The following CDCA5 variants were observed in gnomAD, a reference collection of about 807,000 sequenced individuals.
The protein encoded by CDCA5 is sororin.
CDCA5 carries 14 observed loss-of-function variants against 25.7 expected under a neutral mutation model. That is an observed-to-expected ratio of 0.54 (90% CI 0.36 to 0.85). The LOEUF (loss-of-function observed/expected upper bound fraction) is 0.85. CDCA5 is among the 40% of genes least tolerant of loss of function. The pLI, the probability that CDCA5 is intolerant of heterozygous loss-of-function variation, is 0.01. For synonymous variants in CDCA5, 127 were observed against 128.7 expected (o/e 0.99, Z 0.09); for missense variants, 307 against 324.5 (o/e 0.95, Z 0.41).
chr11:65,083,644 A>C lies in CDCA5; in HGVS notation c.126T>G (p.Pro42=). Residue 42 remains proline (P), a synonymous_variant, in exon 2 of 6, where the codon CCT becomes CCG. Coordinates refer to ENST00000275517, the MANE Select transcript of CDCA5 (RefSeq NM_080668.4). The part of the protein sequence containing the change: ...KSGSELPSIL[P]EIWPKTPSAA... ...TGGGGCTCACCTTCGGCCAGATTTC[A>C]GGGAGGATGCTCGGGAGTTCAGAGC... 6.2e-7 allele frequency: 1 copy of C among 1,614,216 alleles called. No homozygotes were observed. The highest frequency in any genetic ancestry group is 8.5e-7 in the Non-Finnish European group (1 of 1,180,028).
chr11:65,065,361 C>T (rs919065996), downstream of CDCA5, among the ~76,000 whole-genome samples: 16 of 152,090 alleles, frequency 1.1e-4, no homozygotes, highest in African/African-American at 3.1e-4. Context: ...CACCTTGGTG[C>T]GCTGAAACCT....
intron 4 of CDCA5, among the ~76,000 whole-genome samples, chr11:65,082,271 G>A (rs1421265036): frequency 6.6e-6 from 1 of 152,140 alleles, no homozygotes; most frequent in East Asian, 1.9e-4. Flanking sequence ...ACAGACCCAA[G>A]AATGATGCCC....
chr11:65,068,392 G>A (rs1384800746), intron 2 of CDCA5: 12 of 740,210 alleles, frequency 1.6e-5, no homozygotes, highest in African/African-American at 9.1e-5. Context: ...GTGTGACGAC[G>A]GGGGTTCAGG....
At chr11:65,077,377 C>G, downstream of CDCA5, 1 of 779,332 alleles carries the variant, frequency 1.3e-6, no homozygotes, top group Non-Finnish European at 1.6e-6. Context: ...AAGGGACAAC[C>G]CCAGTGATGC....
At chr11:65,068,169 C>T (rs1433984392) in intron 2 of CDCA5, 1 of 1,179,068 alleles carries the variant, frequency 8.5e-7, no homozygotes, top group Non-Finnish European at 1.1e-6. Flanking sequence ...GCTGCTCACC[C>T]AAGAGCCTGG....
intron 2 of CDCA5, chr11:65,068,364 C>A: frequency 1.8e-6 from 1 of 567,018 alleles, no homozygotes. Context: ...CCTGGACGCC[C>A]TGACAGCTGG....
At chr11:65,065,000 G>A (rs1029413852), downstream of CDCA5, among the ~76,000 whole-genome samples, 2 of 152,162 alleles carry the variant, frequency 1.3e-5, no homozygotes, top group African/African-American at 2.4e-5. Context: ...GGAGTCTGGT[G>A]TAAGTCAAAC....
downstream of CDCA5, among the ~76,000 whole-genome samples, chr11:65,063,784 TC>T (rs1947207101): frequency 6.6e-6 from 1 of 152,172 alleles, no homozygotes; most frequent in Non-Finnish European, 1.5e-5. Context: ...CATGGTAGCC[TC>T]CTTTGACTGG....
downstream of CDCA5, among the ~76,000 whole-genome samples, chr11:65,063,872 G>A (rs1268563204): frequency 6.6e-6 from 1 of 152,236 alleles, no homozygotes; most frequent in Non-Finnish European, 1.5e-5. Flanking sequence ...TTCCTTGACA[G>A]GAACCTCTGG....
In CDCA5 at chr11:65,083,888, C is replaced by G. The variant is rs375772067; in HGVS notation, c.46+45G>C. 72 of 1,608,130 alleles carry G rather than the reference C, an allele frequency of 4.5e-5. No homozygotes were observed. In the African/African-American group the frequency reaches 8.8e-4, roughly 20 times the overall value. On this transcript the variant is annotated intron_variant, in intron 1 of 5. Transcript: ENST00000275517. ...AGGCCATCTTTCACCGGACTGCGTC[C>G]CCCAAACGGCTCGACCTCACGTCTC...
Position 65,083,996 on chromosome 11 carries a change from G to C in CDCA5, c.-18C>G, listed in dbSNP as rs569223577. The C allele has an allele frequency of 3.7e-6, 6 of 1,606,748 alleles. No individual in the cohort carries two copies. The South Asian group carries it at 4.4e-5, about 12-fold the overall frequency. The stretch of plus-strand genomic sequence containing the variant: ...CCAGACATAACTTAGGCTCCGTCTC[G>C]AGCTCCTCCAGCGCCGCCGCCCCGG... On this transcript the variant is annotated 5_prime_UTR_variant, in exon 1 of 6. Coordinates refer to ENST00000275517, the MANE Select transcript of CDCA5 (RefSeq NM_080668.4).
downstream of CDCA5, chr11:65,077,434 A>G (rs1947468969): frequency 1.0e-6 from 1 of 985,152 alleles, no homozygotes; most frequent in Non-Finnish European, 1.2e-6. Context: ...CTTTGACTCA[A>G]TAAAAGAAAC....
downstream of CDCA5, among the ~76,000 whole-genome samples, chr11:65,074,888 C>T (rs549507060): frequency 5.3e-5 from 8 of 151,840 alleles, no homozygotes; most frequent in South Asian, 1.5e-3. Flanking sequence ...ATGGAGAAAC[C>T]CCGTCTCTTA....
At chr11:65,073,069 C>T (rs996579751), downstream of CDCA5, among the ~76,000 whole-genome samples, 5 of 151,326 alleles carry the variant, frequency 3.3e-5, no homozygotes, top group Middle Eastern at 3.2e-3. Context: ...CTCAGCCTCC[C>T]GAGTAGCTGG....
chr11:65,079,805 AG>A lies in CDCA5; in HGVS notation c.244-19del. The stretch of plus-strand genomic sequence containing the variant: ...AAGGAAATCTGCACCAGGACAGAAG[AG>A]GGGATGCCCTCAATACTTAGCTGGA... On this transcript the variant is annotated intron_variant, in intron 4 of 5. Coordinates refer to ENST00000275517, the MANE Select transcript of CDCA5 (RefSeq NM_080668.4). 1.4e-6 allele frequency: 2 copies of A among 1,453,584 alleles called. No homozygotes were observed. Among genetic ancestry groups the A allele is most frequent in the Non-Finnish European group, 1.8e-6 (2 of 1,100,326 alleles). 90.0% of individuals were successfully genotyped at this position (1,453,584 alleles called of 1,614,324 possible).
downstream of CDCA5, among the ~76,000 whole-genome samples, chr11:65,065,659 C>T (rs182497410): frequency 1.9e-4 from 29 of 152,304 alleles, no homozygotes; most frequent in African/African-American, 6.0e-4. Context: ...TAGCAATCTT[C>T]TATCAGGATT....
intron 4 of CDCA5, chr11:65,066,960 T>A (rs573957): frequency 1 from 1,055,212 of 1,055,510 alleles, 527,458 homozygotes; most frequent in Middle Eastern, 1. Context: ...CACCTCCTGC[T>A]TCAGCCACCT....
rs561208556 is a variant in CDCA5, at chr11:65,078,983, G to C, written c.*124C>G. 6.4e-4 allele frequency: 848 copies of C among 1,315,220 alleles called. 6 individuals are homozygous for C. Among genetic ancestry groups the C allele is most frequent in the Middle Eastern group, 2.0e-3 (7 of 3,496 alleles). The allele number at this position is 1,315,220 out of a possible 1,614,324, so 81.5% of individuals were successfully genotyped here. A position where few individuals can be genotyped will look rare whatever the true frequency, so the allele number is the denominator to read the frequency against. On this transcript the variant is annotated 3_prime_UTR_variant, in exon 6 of 6. Transcript: ENST00000275517. ...CCTCAAAGGCAGACAGTCCTCATGC[G>C]CAGCACCAGCACACACACAGGTAAC...
chr11:65,061,365 G>C (rs1947184421), downstream of CDCA5, among the ~76,000 whole-genome samples: 2 of 152,166 alleles, frequency 1.3e-5, no homozygotes, highest in South Asian at 4.1e-4. Flanking sequence ...AGCCTCACGA[G>C]AGTCCCTCAG....
Sources: gnomAD v4.1 joint callset for allele counts (sites outside exome capture counted in the v4.1 genomes callset) on GRCh38, gnomAD v4.1.1 for gene constraint, MANE v1.5 for transcripts, NCBI Gene and HGNC (gene_info 2026-07-23, HGNC 2026-07-21) for gene names.